Variants in PEX5L observed in about 807,000 individuals in gnomAD.
PEX5L encodes the protein peroxisomal biogenesis factor 5 like.
A neutral mutation model predicts 84.0 loss-of-function variants in PEX5L; 30 were observed. The ratio of observed to expected loss-of-function variants is 0.36; its 90% confidence interval spans 0.27 to 0.48. The LOEUF (loss-of-function observed/expected upper bound fraction) is 0.48. Among genes scored for constraint, PEX5L ranks in the 20% least tolerant of loss-of-function variants. The pLI is 0.99. For synonymous variants in PEX5L, 270 were observed against 283.1 expected, an observed-to-expected ratio of 0.95 and a Z score of 0.46; for missense variants, 533 against 754.6, an observed-to-expected ratio of 0.71 and a Z score of 3.44.
At chr3:179,942,286 T>C (rs1776355247) in intron 2 of PEX5L, among the ~76,000 whole-genome samples, 1 of 152,230 alleles carries the variant, frequency 6.6e-6, no homozygotes, top group Non-Finnish European at 1.5e-5. Flanking sequence ...GTGGCTGCTA[T>C]TTCTGCTGCT....
At chr3:179,997,056 C>A (rs1054815192) in intron 1 of PEX5L, among the ~76,000 whole-genome samples, 42 of 152,172 alleles carry the variant, frequency 2.8e-4, no homozygotes, top group Non-Finnish European at 5.1e-4. Context: ...AGTTTACAGA[C>A]CCAGACCCCT....
intron 8 of PEX5L, among the ~76,000 whole-genome samples, chr3:179,828,658 T>C (rs1036978254): frequency 2.6e-5 from 4 of 151,050 alleles, no homozygotes; most frequent in Non-Finnish European, 4.4e-5. Flanking sequence ...CCTTTAACTA[T>C]GTGTATGTGT....
chr3:179,930,149 G>A (rs887239265), intron 2 of PEX5L, among the ~76,000 whole-genome samples: 1 of 152,152 alleles, frequency 6.6e-6, no homozygotes, highest in African/African-American at 2.4e-5. Flanking sequence ...AGCAATATGA[G>A]CTTTAACAAG....
intron 5 of PEX5L, among the ~76,000 whole-genome samples, 188 bp downstream of exon 5, chr3:179,879,741 T>G (rs1040133567): frequency 6.6e-6 from 1 of 152,214 alleles, no homozygotes; most frequent in Admixed American, 6.5e-5. Flanking sequence ...CAATCAGTTA[T>G]GCAAAGTTGA....
chr3:179,957,352 G>C (rs1423430263), intron 2 of PEX5L, among the ~76,000 whole-genome samples: 1 of 152,144 alleles, frequency 6.6e-6, no homozygotes. Flanking sequence ...AACAGGTAAG[G>C]CTCAGGGAGG....
intron 8 of PEX5L, 62 bp from the exon 9 acceptor site, chr3:179,820,038 T>C (rs542599185): frequency 6.2e-7 from 1 of 1,609,610 alleles, no homozygotes; most frequent in South Asian, 1.1e-5. Context: ...TCTGTGTTTT[T>C]CTTCCCCCCC....
At chr3:179,876,536 A>G (rs1363040981) in intron 5 of PEX5L, among the ~76,000 whole-genome samples, 1 of 152,098 alleles carries the variant, frequency 6.6e-6, no homozygotes, top group African/African-American at 2.4e-5. Context: ...ATGTTCTCTA[A>G]GGTCTTTTTT....
At chr3:179,944,504 A>G (rs1776996102) in intron 2 of PEX5L, among the ~76,000 whole-genome samples, 1 of 152,232 alleles carries the variant, frequency 6.6e-6, no homozygotes, top group South Asian at 2.1e-4. Flanking sequence ...AAATGCCTGG[A>G]AAGGTCTAAC....
intron 8 of PEX5L, among the ~76,000 whole-genome samples, chr3:179,834,847 A>G (rs1257885058): frequency 6.6e-6 from 1 of 152,212 alleles, no homozygotes; most frequent in Non-Finnish European, 1.5e-5. Flanking sequence ...AGAATTTATA[A>G]ATATGACCTT....
chr3:179,873,007 G>A (rs1750888441), intron 7 of PEX5L, among the ~76,000 whole-genome samples: 1 of 152,132 alleles, frequency 6.6e-6, no homozygotes. Flanking sequence ...CTAAGATCTG[G>A]GAGCAGTAAT....
At chr3:179,926,259 G>A (rs934960371) in intron 2 of PEX5L, among the ~76,000 whole-genome samples, 44 of 152,050 alleles carry the variant, frequency 2.9e-4, no homozygotes. Flanking sequence ...ACCCCACAGT[G>A]CTCTCCTTAA....
intron 1 of PEX5L, among the ~76,000 whole-genome samples, chr3:179,998,887 A>T (rs1788132531): frequency 6.6e-6 from 1 of 152,216 alleles, no homozygotes; most frequent in African/African-American, 2.4e-5. Context: ...TGGTCAGTTG[A>T]CAGAGGAAGA....
intron 1 of PEX5L, among the ~76,000 whole-genome samples, chr3:179,981,561 G>T (rs1013354845): frequency 1.3e-5 from 2 of 152,276 alleles, no homozygotes; most frequent in East Asian, 1.9e-4. Flanking sequence ...GGTGATAAAA[G>T]CATCTATATT....
intron 7 of PEX5L, among the ~76,000 whole-genome samples, chr3:179,873,817 C>T (rs908761518): frequency 3.9e-5 from 6 of 152,108 alleles, no homozygotes; most frequent in African/African-American, 1.4e-4. Flanking sequence ...TACTTAGTAG[C>T]ACTCATAAAT....
chr3:179,867,422 T>G (rs1015498781), intron 7 of PEX5L, among the ~76,000 whole-genome samples: 1 of 152,168 alleles, frequency 6.6e-6, no homozygotes, highest in Non-Finnish European at 1.5e-5. Flanking sequence ...GATTTCCTAC[T>G]GTGCTGGAAG....
chr3:179,822,942 T>A (rs1230334957), intron 8 of PEX5L, among the ~76,000 whole-genome samples: 3 of 152,198 alleles, frequency 2.0e-5, no homozygotes, highest in East Asian at 3.8e-4. Context: ...CTTTTGTGAA[T>A]CTCTTAATAT....
At chr3:179,842,283 G>A (rs756405233) in intron 8 of PEX5L, among the ~76,000 whole-genome samples, 1 of 152,192 alleles carries the variant, frequency 6.6e-6, no homozygotes, top group African/African-American at 2.4e-5. Context: ...CTGTAACTAG[G>A]ACGGGTAGCT....
At chr3:179,802,068 A>T in intron 14 of PEX5L, 36 bp from the exon 15 acceptor site, 2 of 1,433,280 alleles carry the variant, frequency 1.4e-6, no homozygotes, top group Non-Finnish European at 2.0e-6. Flanking sequence ...AAAATGAGTC[A>T]CATTTCAGAG....
intron 1 of PEX5L, among the ~76,000 whole-genome samples, chr3:180,007,215 T>C (rs1404404229): frequency 6.6e-6 from 1 of 152,172 alleles, no homozygotes; most frequent in African/African-American, 2.4e-5. Context: ...ACAGGACCCA[T>C]GCAAGTCCAA....
Sources: allele counts gnomAD v4.1 joint callset (sites outside exome capture counted in the v4.1 genomes callset), GRCh38; gene constraint gnomAD v4.1.1; transcripts MANE v1.5; gene names NCBI Gene and HGNC (gene_info 2026-07-23, HGNC 2026-07-21).